DCDC1: variants seen among roughly 807,000 people sequenced by gnomAD.
The protein encoded by DCDC1 is doublecortin domain-containing protein 1.
DCDC1 carries 200 observed loss-of-function variants against 178.3 expected under a neutral mutation model. The ratio of observed to expected loss-of-function variants is 1.12; its 90% CI spans 1.00 to 1.26. DCDC1 has a LOEUF of 1.26. Ranked by LOEUF, DCDC1 falls within the 50% of genes most tolerant of loss-of-function variation. The probability of loss-of-function intolerance (pLI) is 0.00; values close to 1 mark genes in which losing one functional copy is unlikely to be tolerated. For missense variants in DCDC1, 1,983 were observed against 1,749.2 expected (o/e 1.13, Z -2.38); for synonymous variants, 690 against 604.8 (o/e 1.14, Z -2.07).
At chr11:31,351,440 T>C (rs1215132035) in intron 1 of DCDC1, among the ~76,000 whole-genome samples, 1 of 152,138 alleles carries the variant, frequency 6.6e-6, no homozygotes, top group Non-Finnish European at 1.5e-5. Flanking sequence ...GCATATGTTA[T>C]AGGTAAAAGA....
chr11:31,290,796 T>C lies in DCDC1; in HGVS notation c.811A>G (p.Thr271Ala), dbSNP rs371688726. Residue 271 changes from threonine to alanine, a missense_variant, in exon 7 of 39, where the codon ACT becomes GCT. Coordinates refer to ENST00000684477, the MANE Select transcript of DCDC1 (RefSeq NM_001387274.1). Reference protein sequence around the residue: ...TWTMNGLMLPTDIKRRKTKPV... With the variant: ...TWTMNGLMLPADIKRRKTKPV... Reference sequence around the variant, plus strand: ...TTGGTTTTCCGTCTTTTGATATCAGTAGGAAGCATCAACCCATTCATTGTC... The same window carrying C: ...TTGGTTTTCCGTCTTTTGATATCAGCAGGAAGCATCAACCCATTCATTGTC... 50 of 1,613,342 alleles carry C rather than the reference T, an allele frequency of 3.1e-5. No individual in the cohort carries two copies. Among genetic ancestry groups the C allele is most frequent in the African/African-American group, 1.7e-4 (13 of 74,908 alleles).
rs1017141311 is a variant in DCDC1 at position 30,909,225 on chromosome 11, C to T, written c.3748-109G>A. 4.7e-5 allele frequency: 41 copies of T among 879,390 alleles called. 1 individual carries two copies. Among genetic ancestry groups the T allele is most frequent in the Admixed American group, 2.9e-4 (8 of 27,906 alleles). The allele number at this position is 879,390 out of a possible 1,614,324, so 54.5% of individuals were successfully genotyped here. ...GTGCAGATAATTACTCATAATCCCACCACACAGTGACAACTACTACTCTTG... is the reference window on the plus strand; with the variant it reads ...GTGCAGATAATTACTCATAATCCCATCACACAGTGACAACTACTACTCTTG... On this transcript the variant is annotated intron_variant, in intron 28 of 38. Transcript: ENST00000684477.
chr11:31,341,844 C>CA (rs3220039), intron 1 of DCDC1, among the ~76,000 whole-genome samples: 1 of 151,492 alleles, frequency 6.6e-6, no homozygotes, highest in African/African-American at 2.4e-5. Context: ...CACACACACA[C>CA]ATTTTTTTTG....
At chr11:30,943,517 C>CATTTTTAATTTTTA in intron 21 of DCDC1, 1 of 359,104 alleles carries the variant, frequency 2.8e-6, no homozygotes, top group South Asian at 2.2e-5. Flanking sequence ...CAAAATCGTA[C>CATTTTTAATTTTTA]ATCTTTTTAA....
rs79711810 is a variant in DCDC1 at position 31,114,423 on chromosome 11, A to G, written c.1486-4062T>C. Among the ~76,000 whole-genome samples the G allele has an allele frequency of 3.9e-4, 59 of 151,258 alleles. No homozygotes were observed. In the East Asian group the frequency reaches 0.011, roughly 28 times the overall value. On this transcript the variant is annotated intron_variant, in intron 11 of 38. Transcript: ENST00000684477. Reference sequence around the variant, plus strand: ...TAGGTTAGAAGGTGGTGCTATGTAAAGGAGAAAAAATACATCAGGGCAGGG... The same window carrying G: ...TAGGTTAGAAGGTGGTGCTATGTAAGGGAGAAAAAATACATCAGGGCAGGG...
chr11:31,355,082 T>A (rs1591841040), intron 1 of DCDC1, among the ~76,000 whole-genome samples: 1 of 152,102 alleles, frequency 6.6e-6, no homozygotes. Context: ...TGTGAATGAA[T>A]TGAAAGGATT....
chr11:31,065,679 A>C (rs886176131), intron 18 of DCDC1, among the ~76,000 whole-genome samples: 3 of 152,218 alleles, frequency 2.0e-5, no homozygotes, highest in African/African-American at 7.2e-5. Flanking sequence ...ATAGATATTT[A>C]ATATTCATGA....
At chr11:31,260,491 T>C (rs928075787) in intron 8 of DCDC1, among the ~76,000 whole-genome samples, 1 of 152,170 alleles carries the variant, frequency 6.6e-6, no homozygotes. Flanking sequence ...TTGCTGGGCA[T>C]AATTTGGGGT....
chr11:31,025,532 C>T (rs1016296987), intron 20 of DCDC1, among the ~76,000 whole-genome samples: 1 of 151,712 alleles, frequency 6.6e-6, no homozygotes, highest in African/African-American at 2.4e-5. Context: ...GCCAATCTTC[C>T]TGTTTAGGGG....
At chr11:30,933,006 T>C (rs908637971) in intron 21 of DCDC1, among the ~76,000 whole-genome samples, 1 of 151,734 alleles carries the variant, frequency 6.6e-6, no homozygotes, top group African/African-American at 2.4e-5. Flanking sequence ...TTTTTTTTCC[T>C]ACTTTCATAA....
chr11:31,294,796 GAAAAAGAAAGAAAGAAAGAA>G (rs1187951179), intron 6 of DCDC1, among the ~76,000 whole-genome samples: 200 of 118,566 alleles, frequency 1.7e-3, no homozygotes, highest in Non-Finnish European at 2.9e-3. Flanking sequence ...GAAAAATAAA[GAAAAAGAAAGAAAGAAAGAA>G]AGAAAGAAAG....
At chr11:30,997,514 C>G (rs1396889133) in intron 20 of DCDC1, among the ~76,000 whole-genome samples, 1 of 151,810 alleles carries the variant, frequency 6.6e-6, no homozygotes, top group Non-Finnish European at 1.5e-5. Context: ...AAGGCCATAC[C>G]TAGATAAAAA....
At chr11:31,082,090 A>T (rs1957210395) in intron 17 of DCDC1, among the ~76,000 whole-genome samples, 3 of 152,164 alleles carry the variant, frequency 2.0e-5, no homozygotes, top group Non-Finnish European at 2.9e-5. Context: ...AGCTAAAAAG[A>T]TTTTTTAAAA....
chr11:30,987,965 A>C (rs1039025956), intron 20 of DCDC1, among the ~76,000 whole-genome samples: 1 of 152,188 alleles, frequency 6.6e-6, no homozygotes, highest in South Asian at 2.1e-4. Flanking sequence ...AAGCAGAAAG[A>C]AAGCTGGGAG....
chr11:31,224,625 A>G (rs910728456), intron 9 of DCDC1, among the ~76,000 whole-genome samples: 3 of 152,200 alleles, frequency 2.0e-5, no homozygotes, highest in African/African-American at 7.2e-5. Flanking sequence ...AAAAACTAAT[A>G]TCCAGAATCT....
At chr11:31,101,902 C>A (rs113057444) in intron 15 of DCDC1, among the ~76,000 whole-genome samples, 5,198 of 152,126 alleles carry the variant, frequency 0.034, 274 homozygotes, top group African/African-American at 0.11. Flanking sequence ...CATGGCAAAA[C>A]CCCATCTCTA....
At chr11:31,062,854 G>C (rs945877029) in intron 20 of DCDC1, among the ~76,000 whole-genome samples, 6 of 149,750 alleles carry the variant, frequency 4.0e-5, no homozygotes, top group African/African-American at 1.2e-4. Context: ...GTGCAGGTTT[G>C]TTACATATGT....
At chr11:30,882,748 A>G (rs1350056949) in intron 36 of DCDC1, 2 of 152,190 alleles carry the variant, frequency 1.3e-5, no homozygotes, top group Non-Finnish European at 2.9e-5. Flanking sequence ...AACAATAGCA[A>G]CAATGTAAAG....
At chr11:31,001,313 A>C (rs914734168) in intron 20 of DCDC1, among the ~76,000 whole-genome samples, 1 of 152,196 alleles carries the variant, frequency 6.6e-6, no homozygotes, top group Non-Finnish European at 1.5e-5. Context: ...TTATTTTGCC[A>C]TGAAAGCAAA....
Sources: allele counts gnomAD v4.1 joint callset (sites outside exome capture counted in the v4.1 genomes callset), GRCh38; gene constraint gnomAD v4.1.1; transcripts MANE v1.5; gene names NCBI Gene and HGNC (gene_info 2026-07-23, HGNC 2026-07-21).